Variants in SLC8A1 observed in about 807,000 individuals in gnomAD.
SLC8A1 encodes the protein sodium/calcium exchanger 1.
A neutral mutation model predicts 68.3 loss-of-function variants in SLC8A1; 18 were observed. The observed-to-expected ratio is 0.26, with a 90% CI of 0.18 to 0.39. The LOEUF (loss-of-function observed/expected upper bound fraction) is 0.39. Among genes scored for constraint, SLC8A1 ranks in the 10% least tolerant of loss-of-function variants. SLC8A1 has a pLI of 1.00. For missense variants in SLC8A1, 985 were observed against 1,156.7 expected, an observed-to-expected ratio of 0.85 and a Z score of 2.15; for synonymous variants, 475 against 415.5, an observed-to-expected ratio of 1.14 and a Z score of -1.74.
chr2:40,155,368 A>T (rs2044281572), intron 6 of SLC8A1, among the ~76,000 whole-genome samples: 1 of 152,056 alleles, frequency 6.6e-6, no homozygotes, highest in South Asian at 2.1e-4. Flanking sequence ...TGACCTCGTG[A>T]TCCACCTGCC....
chr2:40,341,191 G>C (rs1183318822), intron 2 of SLC8A1, among the ~76,000 whole-genome samples: 1 of 152,268 alleles, frequency 6.6e-6, no homozygotes, highest in African/African-American at 2.4e-5. Flanking sequence ...ACATACGGGA[G>C]TGTGAGACTG....
chr2:40,405,222 C>A (rs950461769), intron 2 of SLC8A1, among the ~76,000 whole-genome samples: 1 of 152,174 alleles, frequency 6.6e-6, no homozygotes, highest in African/African-American at 2.4e-5. Flanking sequence ...ATAAATGAAT[C>A]CCATTCTTAT....
intron 2 of SLC8A1, among the ~76,000 whole-genome samples, chr2:40,247,539 G>A (rs2062049638): frequency 6.6e-6 from 1 of 151,976 alleles, no homozygotes; most frequent in Non-Finnish European, 1.5e-5. Context: ...AGCACCAGAT[G>A]GTGTTACAAA....
chr2:40,098,694 C>T (rs574109964), exon 8 of SLC8A1: 1 of 152,064 alleles, frequency 6.6e-6, no homozygotes, highest in East Asian at 1.9e-4. Context: ...TCTAATCTAG[C>T]ATTATGCAGT....
At chr2:40,237,843 G>A (rs550756116) in intron 2 of SLC8A1, among the ~76,000 whole-genome samples, 62 of 152,256 alleles carry the variant, frequency 4.1e-4, no homozygotes, top group African/African-American at 1.5e-3. Flanking sequence ...CTCAGCTGCA[G>A]GTCTGTTGGA....
At chr2:40,468,443 T>G (rs950629947) in intron 1 of SLC8A1, among the ~76,000 whole-genome samples, 3 of 152,144 alleles carry the variant, frequency 2.0e-5, no homozygotes, top group African/African-American at 7.2e-5. Flanking sequence ...TCTACATAAT[T>G]CTTAGCACGG....
chr2:40,355,612 C>T (rs906942242), intron 2 of SLC8A1, among the ~76,000 whole-genome samples: 1 of 152,148 alleles, frequency 6.6e-6, no homozygotes, highest in African/African-American at 2.4e-5. Context: ...TTACTGATTA[C>T]CACACACTGA....
At chr2:40,261,733 C>T (rs2064730455) in intron 2 of SLC8A1, among the ~76,000 whole-genome samples, 1 of 12,078 alleles carries the variant, frequency 8.3e-5, no homozygotes, top group Admixed American at 1.3e-3. Flanking sequence ...CGAGTGGGTA[C>T]TGCGTAAGTG....
intron 2 of SLC8A1, among the ~76,000 whole-genome samples, chr2:40,283,853 G>C (rs150812444): frequency 2.6e-5 from 4 of 152,128 alleles, no homozygotes; most frequent in African/African-American, 9.7e-5. Context: ...AGAGAATTGT[G>C]ATCAGGCAGA....
intron 2 of SLC8A1, among the ~76,000 whole-genome samples, chr2:40,388,557 C>T (rs1437294910): frequency 6.6e-6 from 1 of 152,144 alleles, no homozygotes; most frequent in Non-Finnish European, 1.5e-5. Flanking sequence ...CTCTATGCAT[C>T]TAAGCAACAG....
At chr2:40,451,351 C>T (rs1702444523) in intron 1 of SLC8A1, among the ~76,000 whole-genome samples, 1 of 152,122 alleles carries the variant, frequency 6.6e-6, no homozygotes, top group Non-Finnish European at 1.5e-5. Context: ...CTGTCTCTGC[C>T]CCGCCACACC....
chr2:40,441,661 T>G (rs576681392), intron 1 of SLC8A1, among the ~76,000 whole-genome samples: 2 of 152,172 alleles, frequency 1.3e-5, no homozygotes, highest in South Asian at 4.1e-4. Flanking sequence ...AAACCAGCAA[T>G]GGGGAAAGGA....
intron 2 of SLC8A1, among the ~76,000 whole-genome samples, chr2:40,351,763 C>G (rs901338424): frequency 6.6e-6 from 1 of 152,028 alleles, no homozygotes; most frequent in Non-Finnish European, 1.5e-5. Context: ...CTATGTATTA[C>G]AGACAATAGC....
intron 2 of SLC8A1, among the ~76,000 whole-genome samples, chr2:40,265,971 T>TA (rs2065307517): frequency 6.6e-6 from 1 of 152,094 alleles, no homozygotes; most frequent in African/African-American, 2.4e-5. Context: ...CCACTTAACA[T>TA]AAAAAAGCCA....
chr2:40,293,153 C>G (rs953777754), intron 2 of SLC8A1, among the ~76,000 whole-genome samples: 4 of 152,170 alleles, frequency 2.6e-5, no homozygotes, highest in Non-Finnish European at 4.4e-5. Context: ...TAAGTTAACT[C>G]AGGATCCTCC....
intron 2 of SLC8A1, among the ~76,000 whole-genome samples, chr2:40,311,575 G>A (rs570100679): frequency 6.6e-6 from 1 of 151,938 alleles, no homozygotes; most frequent in Admixed American, 6.6e-5. Flanking sequence ...TATCTTACAA[G>A]TGTGTTTATT....
chr2:40,144,297 T>C (rs1334033520), intron 6 of SLC8A1, among the ~76,000 whole-genome samples: 1 of 152,208 alleles, frequency 6.6e-6, no homozygotes, highest in Non-Finnish European at 1.5e-5. Context: ...TACCTGATCT[T>C]ATTTCATCCT....
chr2:40,200,225 T>A (rs372576102), intron 2 of SLC8A1, among the ~76,000 whole-genome samples: 4,741 of 11,024 alleles, frequency 0.43, 1,203 homozygotes, highest in Middle Eastern at 0.6. Flanking sequence ...TATATTTTTT[T>A]ATATATATAT....
intron 2 of SLC8A1, among the ~76,000 whole-genome samples, chr2:40,262,270 C>A (rs1231738393): frequency 6.6e-6 from 1 of 152,142 alleles, no homozygotes; most frequent in Non-Finnish European, 1.5e-5. Flanking sequence ...CCTCTCTTCA[C>A]TATTATATTG....
Sources: allele counts gnomAD v4.1 joint callset (sites outside exome capture counted in the v4.1 genomes callset), GRCh38; gene constraint gnomAD v4.1.1; transcripts MANE v1.5; gene names NCBI Gene and HGNC (gene_info 2026-07-23, HGNC 2026-07-21).